Variants in CHN2 observed in about 807,000 individuals in gnomAD.
CHN2 encodes chimerin 2, also known as beta-chimaerin.
In CHN2, 35 loss-of-function variants were observed where a neutral mutation model predicts 56.3. The observed-to-expected ratio is 0.62, with a 90% CI of 0.47 to 0.82. The LOEUF (loss-of-function observed/expected upper bound fraction) is 0.82. Ranked by LOEUF, CHN2 falls within the 40% of genes least tolerant of loss-of-function variation. CHN2 has a pLI of 0.00. For missense variants in CHN2, 491 were observed against 580.5 expected, an observed-to-expected ratio of 0.85 and a Z score of 1.58; for synonymous variants, 210 against 212.8, an observed-to-expected ratio of 0.99 and a Z score of 0.12.
At chr7:29,280,941 C>G (rs1293844602) in intron 1 of CHN2, among the ~76,000 whole-genome samples, 1 of 152,106 alleles carries the variant, frequency 6.6e-6, no homozygotes, top group Non-Finnish European at 1.5e-5. Context: ...ACTAAAAATA[C>G]AAAAATTAGC....
intron 6 of CHN2, among the ~76,000 whole-genome samples, chr7:29,410,231 G>A (rs1441329896): frequency 6.6e-6 from 1 of 152,148 alleles, no homozygotes; most frequent in African/African-American, 2.4e-5. Flanking sequence ...TTATATTTTA[G>A]TTGGGCTTAA....
chr7:29,435,864 C>G (rs1485274445), intron 6 of CHN2, among the ~76,000 whole-genome samples: 1 of 149,744 alleles, frequency 6.7e-6, no homozygotes, highest in East Asian at 2.0e-4. Flanking sequence ...AAATTATGCA[C>G]ACTTCTCTAA....
At chr7:29,428,613 G>A (rs1222489540) in intron 6 of CHN2, among the ~76,000 whole-genome samples, 1 of 152,134 alleles carries the variant, frequency 6.6e-6, no homozygotes, top group Non-Finnish European at 1.5e-5. Context: ...AGGACCAGAT[G>A]TGAGAATCCA....
At chr7:29,294,112 C>G (rs572831049) in intron 1 of CHN2, among the ~76,000 whole-genome samples, 1 of 151,994 alleles carries the variant, frequency 6.6e-6, no homozygotes, top group Non-Finnish European at 1.5e-5. Context: ...GTGATCTGCC[C>G]GCCTCGGCCT....
intron 2 of CHN2, among the ~76,000 whole-genome samples, chr7:29,173,568 A>G (rs529789975): frequency 6.8e-4 from 103 of 152,286 alleles, no homozygotes; most frequent in African/African-American, 2.4e-3. Flanking sequence ...TTCAAAGGAT[A>G]AAAAGCATCT....
chr7:29,445,302 A>T (rs548593910), intron 6 of CHN2: 41 of 303,822 alleles, frequency 1.3e-4, no homozygotes, highest in Non-Finnish European at 2.4e-4. Flanking sequence ...CTCATCCCAA[A>T]CTCATGTCTC....
intron 2 of CHN2, among the ~76,000 whole-genome samples, chr7:29,355,546 T>G (rs1798226060): frequency 6.6e-6 from 1 of 151,926 alleles, no homozygotes; most frequent in Non-Finnish European, 1.5e-5. Flanking sequence ...TATGCTTGAC[T>G]CAGGAACTCC....
chr7:29,454,731 G>C (rs1488402729), intron 6 of CHN2, among the ~76,000 whole-genome samples: 1 of 152,144 alleles, frequency 6.6e-6, no homozygotes, highest in Non-Finnish European at 1.5e-5. Flanking sequence ...AAGCCACGTG[G>C]CCATCCTAAC....
intron 8 of CHN2, 103 bp downstream of exon 8, chr7:29,496,139 A>C (rs2128569892): frequency 1.1e-6 from 1 of 902,168 alleles, no homozygotes; most frequent in East Asian, 2.8e-5. Context: ...TTAGCTCAAA[A>C]GTCTAGCCTT....
At chr7:29,301,342 TACACACACACAC>T (rs10570363) in intron 1 of CHN2, among the ~76,000 whole-genome samples, 3,003 of 141,698 alleles carry the variant, frequency 0.021, 72 homozygotes, top group African/African-American at 0.061. Context: ...CTCAAACAGG[TACACACACACAC>T]ACACACACAC....
At chr7:29,374,916 C>T (rs1423035685) in intron 3 of CHN2, among the ~76,000 whole-genome samples, 1 of 143,776 alleles carries the variant, frequency 7.0e-6, no homozygotes, top group African/African-American at 2.6e-5. Context: ...GACGGAGTTT[C>T]GCTCTCGTTG....
chr7:29,156,314 C>T (rs79575135), intron 2 of CHN2, among the ~76,000 whole-genome samples: 2,839 of 152,176 alleles, frequency 0.019, 71 homozygotes, highest in African/African-American at 0.063. Flanking sequence ...AAACAAATTT[C>T]GATGATTAAA....
Position 29,294,499 on chromosome 7 carries a change from T to A in CHN2, c.50-60126T>A, listed in dbSNP as rs144908873. Among the ~76,000 whole-genome samples, 359 of 152,288 alleles carry A rather than the reference T, an allele frequency of 2.4e-3. 2 individuals are homozygous for A. The highest frequency in any genetic ancestry group is 8.3e-3 in the African/African-American group (346 of 41,560). ...CTCAAAACTGTAAATTGGGCATATG[T>A]CCTTCGTGCCTGCCTTGTAACCGCA... On this transcript the variant is annotated intron_variant, in intron 1 of 12. Transcript: ENST00000222792.
intron 1 of CHN2, among the ~76,000 whole-genome samples, chr7:29,236,324 C>T (rs1423171831): frequency 6.6e-6 from 1 of 152,162 alleles, no homozygotes; most frequent in Non-Finnish European, 1.5e-5. Context: ...TTACAAGTTC[C>T]CCTATAGAGT....
chr7:29,381,736 A>G (rs1375401702), intron 3 of CHN2, among the ~76,000 whole-genome samples: 1 of 140,092 alleles, frequency 7.1e-6, no homozygotes, highest in Non-Finnish European at 1.5e-5. Context: ...CCAGCCCTGG[A>G]GATTTTGATT....
At chr7:29,478,635 C>A (rs979088313) in intron 6 of CHN2, among the ~76,000 whole-genome samples, 1 of 152,190 alleles carries the variant, frequency 6.6e-6, no homozygotes, top group Admixed American at 6.5e-5. Flanking sequence ...TTAAACTAGG[C>A]TGCATGTCCT....
At chr7:29,220,280 A>AAAGAGAGAGAGAG (rs1554366787) in intron 1 of CHN2, among the ~76,000 whole-genome samples, 3 of 138,138 alleles carry the variant, frequency 2.2e-5, no homozygotes, top group Non-Finnish European at 4.6e-5. Flanking sequence ...AAAAAAAAAA[A>AAAGAGAGAGAGAG]AGAGAGAGAG....
chr7:29,459,828 C>G (rs950483853), intron 6 of CHN2, among the ~76,000 whole-genome samples: 2 of 152,046 alleles, frequency 1.3e-5, no homozygotes, highest in Admixed American at 6.5e-5. Flanking sequence ...AGAAGAAGCC[C>G]GAAAAGCTTG....
chr7:29,348,335 AG>A (rs1797623662), intron 1 of CHN2, among the ~76,000 whole-genome samples: 1 of 152,190 alleles, frequency 6.6e-6, no homozygotes, highest in Non-Finnish European at 1.5e-5. Context: ...GTGGCTTTCA[AG>A]TCTTAACCTG....
Sources: allele counts gnomAD v4.1 joint callset (sites outside exome capture counted in the v4.1 genomes callset), GRCh38; gene constraint gnomAD v4.1.1; transcripts MANE v1.5; gene names NCBI Gene and HGNC (gene_info 2026-07-23, HGNC 2026-07-21).